NDUFC2: variants seen among roughly 807,000 people sequenced by gnomAD.
NDUFC2 encodes NADH:ubiquinone oxidoreductase subunit C2, also known as NADH dehydrogenase [ubiquinone] 1 subunit C2.
NDUFC2 carries 2 observed loss-of-function variants against 10.1 expected under a neutral mutation model. The ratio of observed to expected loss-of-function variants is 0.20; its 90% CI spans 0.08 to 0.62. NDUFC2 has a LOEUF of 0.62. NDUFC2 is among the 20% of genes least tolerant of loss of function. The pLI, the probability that NDUFC2 is intolerant of heterozygous loss-of-function variation, is 0.87. For missense variants in NDUFC2, 156 were observed against 159.6 expected (o/e 0.98, Z 0.12); for synonymous variants, 61 against 63.6 (o/e 0.96, Z 0.20).
chr11:78,073,568 A>G (rs1299654077), intron 1 of NDUFC2, among the ~76,000 whole-genome samples: 2 of 151,914 alleles, frequency 1.3e-5, no homozygotes, highest in Non-Finnish European at 2.9e-5. Context: ...GCACTTTGGG[A>G]GGCTGAGGCA....
intron 1 of NDUFC2, 125 bp from the exon 2 acceptor site, chr11:78,073,266 T>G: frequency 7.1e-7 from 1 of 1,416,706 alleles, no homozygotes; most frequent in South Asian, 1.3e-5. Flanking sequence ...CCAAGACAGG[T>G]GGATCACCTG....
intron 2 of NDUFC2, among the ~76,000 whole-genome samples, chr11:78,070,554 C>T (rs1370345441): frequency 2.0e-5 from 3 of 152,180 alleles, no homozygotes; most frequent in Non-Finnish European, 4.4e-5. Context: ...AGACAAACCC[C>T]TAAGAATTTC....
At position 78,079,846 on chromosome 11, in the gene NDUFC2, C is replaced by T; in HGVS notation, c.-102G>A. On this transcript the variant is annotated 5_prime_UTR_variant, in exon 1 of 3. Coordinates refer to ENST00000281031, the MANE Select transcript of NDUFC2 (RefSeq NM_004549.6). ...CTAAGCGGTCAGCTTTCTCCTCCTCCTCTGCGCGCCGGACTCACGGGCACG... is the reference window on the plus strand; with the variant it reads ...CTAAGCGGTCAGCTTTCTCCTCCTCTTCTGCGCGCCGGACTCACGGGCACG... The T allele has an allele frequency of 2.1e-6, 3 of 1,445,136 alleles. No individual in the cohort carries two copies. Among genetic ancestry groups the T allele is most frequent in the South Asian group, 1.4e-5 (1 of 73,224 alleles). The allele number at this position is 1,445,136 out of a possible 1,614,324, so 89.5% of individuals were successfully genotyped here. A position where few individuals can be genotyped will look rare whatever the true frequency, so the allele number is the denominator to read the frequency against.
intron 1 of NDUFC2, among the ~76,000 whole-genome samples, chr11:78,076,651 T>C (rs547627823): frequency 5.4e-4 from 82 of 152,246 alleles, no homozygotes; most frequent in African/African-American, 1.8e-3. Flanking sequence ...TCTCATCCAG[T>C]CCTCAGAGAT....
rs1859070611 is a variant in NDUFC2, at chr11:78,072,900, G to C, written c.310+98C>G. 4.8e-5 allele frequency: 71 copies of C among 1,489,078 alleles called. 1 individual carries two copies. The South Asian group carries it at 8.9e-4, about 19-fold the overall frequency. The allele number at this position is 1,489,078 out of a possible 1,614,324, so 92.2% of individuals were successfully genotyped here. A position where few individuals can be genotyped will look rare whatever the true frequency, so the allele number is the denominator to read the frequency against. ...ATAGACTAAGATGTGGGAGTCAACA[G>C]AATTTAGAAGGTATCTAAAGCCATA... On this transcript the variant is annotated intron_variant, in intron 2 of 2. Coordinates refer to ENST00000281031, the MANE Select transcript of NDUFC2 (RefSeq NM_004549.6).
chr11:78,078,115 C>CA lies in NDUFC2; in HGVS notation c.166+1463dup, dbSNP rs1199105369. On this transcript the variant is annotated intron_variant, in intron 1 of 2. Transcript: ENST00000281031. ...GGCATGACATACAGCTGTAAGAAGGCAAAAGAGGTACAAGTGTGGTGACTC... is the reference window on the plus strand; with the variant it reads ...GGCATGACATACAGCTGTAAGAAGGCAAAAAGAGGTACAAGTGTGGTGACTC... Among the ~76,000 whole-genome samples the CA allele has an allele frequency of 5.3e-5, 8 of 152,248 alleles. No individual in the cohort carries two copies. In the East Asian group the frequency reaches 1.5e-3, roughly 29 times the overall value.
At chr11:78,070,122 T>A in intron 2 of NDUFC2, 86 bp from the exon 3 acceptor site, 1 of 965,124 alleles carries the variant, frequency 1.0e-6, no homozygotes, top group South Asian at 1.6e-5. Context: ...CACTCACTAA[T>A]CTTATGATTG....
Position 78,069,791 on chromosome 11 carries a change from A to C in NDUFC2, c.*196T>G. On this transcript the variant is annotated 3_prime_UTR_variant, in exon 3 of 3. Transcript: ENST00000281031. ...CATCTTAAAATCTTTCAGATGGGTG[A>C]ATGGAAACTGACCATTCTCTGATGA... The C allele has an allele frequency of 7.8e-7, 1 of 1,281,764 alleles. No homozygotes were observed. The highest frequency in any genetic ancestry group is 1.1e-6 in the Non-Finnish European group (1 of 917,874). 79.4% of individuals were successfully genotyped at this position (1,281,764 alleles called of 1,614,324 possible).
chr11:78,078,822 C>T (rs1401503327), intron 1 of NDUFC2, among the ~76,000 whole-genome samples: 1 of 145,804 alleles, frequency 6.9e-6, no homozygotes, highest in Non-Finnish European at 1.5e-5. Flanking sequence ...GCCTTCCAGG[C>T]TCAAACGACC....
chr11:78,079,435 C>T, intron 1 of NDUFC2, 144 bp downstream of exon 1: 1 of 1,193,620 alleles, frequency 8.4e-7, no homozygotes, highest in Non-Finnish European at 1.1e-6. Flanking sequence ...TAATGGGGCG[C>T]GGACTCCCCG....
intron 1 of NDUFC2, among the ~76,000 whole-genome samples, chr11:78,079,100 T>A (rs1479972809): frequency 2.7e-5 from 3 of 110,742 alleles, no homozygotes; most frequent in Non-Finnish European, 5.3e-5. Flanking sequence ...GTGTCCAATA[T>A]CCATTCAGAG....
rs1858913385 is a variant in NDUFC2, at chr11:78,069,809, T to G, written c.*178A>C. On this transcript the variant is annotated 3_prime_UTR_variant, in exon 3 of 3. Coordinates refer to ENST00000281031, the MANE Select transcript of NDUFC2 (RefSeq NM_004549.6). Reference sequence around the variant, plus strand: ...ATGGGTGAATGGAAACTGACCATTCTCTGATGATGAACTATTTTTCTTACA... The same window carrying G: ...ATGGGTGAATGGAAACTGACCATTCGCTGATGATGAACTATTTTTCTTACA... The G allele has an allele frequency of 7.2e-7, 1 of 1,395,108 alleles. No individual in the cohort carries two copies. The allele number at this position is 1,395,108 out of a possible 1,614,324, so 86.4% of individuals were successfully genotyped here. A position where few individuals can be genotyped will look rare whatever the true frequency, so the allele number is the denominator to read the frequency against.
chr11:78,075,905 A>G (rs944879337), intron 1 of NDUFC2, among the ~76,000 whole-genome samples: 16 of 152,160 alleles, frequency 1.1e-4, no homozygotes, highest in African/African-American at 3.9e-4. Context: ...CCCATTACTC[A>G]CAGAATGCCA....
chr11:78,075,580 A>G (rs900483137), intron 1 of NDUFC2, among the ~76,000 whole-genome samples: 1 of 152,212 alleles, frequency 6.6e-6, no homozygotes, highest in African/African-American at 2.4e-5. Flanking sequence ...GAAATTCATT[A>G]TTATGAGACA....
chr11:78,075,044 C>T (rs550812599), intron 1 of NDUFC2, among the ~76,000 whole-genome samples: 1 of 152,216 alleles, frequency 6.6e-6, no homozygotes, highest in African/African-American at 2.4e-5. Context: ...CCTGCACACC[C>T]CATCTACAAT....
chr11:78,076,180 C>T (rs944846182), intron 1 of NDUFC2, among the ~76,000 whole-genome samples: 4 of 151,514 alleles, frequency 2.6e-5, no homozygotes, highest in East Asian at 3.9e-4. Flanking sequence ...CTCAGTCTGT[C>T]GCCCAGGCTG....
chr11:78,078,728 C>CTTTTTTTTTTTTTTTTTTT (rs71046953), intron 1 of NDUFC2, among the ~76,000 whole-genome samples: 690 of 61,518 alleles, frequency 0.011, 186 homozygotes, highest in African/African-American at 0.015. Context: ...TCAGGATCCG[C>CTTTTTTTTTTTTTTTTTTT]TTTTTTTTTT....
chr11:78,073,544 C>T (rs930930273), intron 1 of NDUFC2, among the ~76,000 whole-genome samples: 4 of 151,338 alleles, frequency 2.6e-5, no homozygotes, highest in Admixed American at 6.6e-5. Context: ...CAGTGGCTCA[C>T]GCCTGTAATA....
At chr11:78,073,923 G>A (rs1028035197) in intron 1 of NDUFC2, among the ~76,000 whole-genome samples, 1 of 150,326 alleles carries the variant, frequency 6.7e-6, no homozygotes, top group Non-Finnish European at 1.5e-5. Flanking sequence ...CCAGGCTGGC[G>A]TGCAGTGGCA....
Sources: gnomAD v4.1 joint callset for allele counts (sites outside exome capture counted in the v4.1 genomes callset) on GRCh38, gnomAD v4.1.1 for gene constraint, MANE v1.5 for transcripts, NCBI Gene and HGNC (gene_info 2026-07-23, HGNC 2026-07-21) for gene names.